Variants in ZNF638 observed in about 807,000 individuals in gnomAD.
ZNF638 encodes the protein CTCL tumor antigen se33-1.
A neutral mutation model predicts 195.6 loss-of-function variants in ZNF638; 46 were observed. That is an observed-to-expected ratio of 0.24 (90% CI 0.19 to 0.30). The LOEUF (loss-of-function observed/expected upper bound fraction) is 0.30. ZNF638 is among the 10% of genes least tolerant of loss of function. The pLI, the probability that ZNF638 is intolerant of heterozygous loss-of-function variation, is 1.00. For synonymous variants in ZNF638, 845 were observed against 772.0 expected, an observed-to-expected ratio of 1.09 and a Z score of -1.57; for missense variants, 2,440 against 2,325.3, an observed-to-expected ratio of 1.05 and a Z score of -1.01.
At chr2:71,393,604 C>G in intron 10 of ZNF638, 1 of 718,076 alleles carries the variant, frequency 1.4e-6, no homozygotes, top group Non-Finnish European at 2.6e-6. Context: ...GACACAGAAA[C>G]CATTCACTCC....
At chr2:71,431,526 G>A (rs1233795429) in intron 26 of ZNF638, 98 bp downstream of exon 26, 16 of 947,418 alleles carry the variant, frequency 1.7e-5, no homozygotes, top group South Asian at 5.6e-5. Context: ...TCGGGAGGCC[G>A]AGGCGGGTGG....
intron 13 of ZNF638, 63 bp from the exon 14 acceptor site, chr2:71,400,049 A>G: frequency 7.4e-7 from 1 of 1,343,236 alleles, no homozygotes; most frequent in Non-Finnish European, 1.0e-6. Flanking sequence ...GTTCCTGTTT[A>G]GATTCATTAG....
At chr2:71,333,434 G>A (rs1386856134) in intron 1 of ZNF638, among the ~76,000 whole-genome samples, 1 of 152,144 alleles carries the variant, frequency 6.6e-6, no homozygotes, top group Admixed American at 6.6e-5. Context: ...CATATTTATT[G>A]TATATTGGTT....
intron 1 of ZNF638, among the ~76,000 whole-genome samples, chr2:71,335,766 C>T (rs907099197): frequency 5.3e-5 from 8 of 152,130 alleles, no homozygotes; most frequent in Admixed American, 1.3e-4. Context: ...GCATATTACA[C>T]GTAAAACAAC....
chr2:71,398,784 G>C lies in ZNF638; in HGVS notation c.2500+12G>C, dbSNP rs1558868620. On this transcript the variant is annotated intron_variant, in intron 12 of 27. Transcript: ENST00000264447. ...TTCAATCAAAACAGGTAAGACTATT[G>C]GGGAGGAGAGATTTTATTGTTTATT... 6.3e-7 allele frequency: 1 copy of C among 1,592,792 alleles called. No individual in the cohort carries two copies. The highest frequency in any genetic ancestry group is 1.1e-5 in the South Asian group (1 of 88,926).
chr2:71,367,330 C>T (rs550706701), intron 6 of ZNF638, among the ~76,000 whole-genome samples: 1 of 151,626 alleles, frequency 6.6e-6, no homozygotes, highest in South Asian at 2.1e-4. Flanking sequence ...ACAGTCATAG[C>T]TCACTGCAGC....
In ZNF638 at chr2:71,403,825, A is replaced by C. The variant is rs374853221; in HGVS notation, c.2830-45A>C. 6.2e-5 allele frequency: 87 copies of C among 1,401,232 alleles called. No individual in the cohort carries two copies. The South Asian group carries it at 1.0e-3, about 17-fold the overall frequency. 86.8% of individuals were successfully genotyped at this position (1,401,232 alleles called of 1,614,324 possible). ...ACTTGCAAGTCTGTTTTTGAGAAAA[A>C]GTAACATAAGATTTTTCTTGTTACC... On this transcript the variant is annotated intron_variant, in intron 16 of 27. Coordinates refer to ENST00000264447, the MANE Select transcript of ZNF638 (RefSeq NM_014497.5).
At chr2:71,400,603 T>A in intron 15 of ZNF638, 85 bp downstream of exon 15, 1 of 1,168,340 alleles carries the variant, frequency 8.6e-7, no homozygotes, top group South Asian at 1.6e-5. Context: ...GGTAAAAAAT[T>A]CATGGTATTT....
rs142213288 is a variant in ZNF638 at position 71,388,019 on chromosome 2, T to C, written c.2377+7454T>C. On this transcript the variant is annotated intron_variant, in intron 10 of 27. Coordinates refer to ENST00000264447, the MANE Select transcript of ZNF638 (RefSeq NM_014497.5). ...ATGAAGACGGATACAACTACACTTATAATTAAAGAAAAAAAAATCCTACCA... is the reference window on the plus strand; with the variant it reads ...ATGAAGACGGATACAACTACACTTACAATTAAAGAAAAAAAAATCCTACCA... 2.1e-4 allele frequency among the ~76,000 whole-genome samples: 32 copies of C among 152,206 alleles called. No homozygotes were observed. In the East Asian group the frequency reaches 4.5e-3, roughly 21 times the overall value.
chr2:71,378,393 A>T (rs1284524276), intron 8 of ZNF638, among the ~76,000 whole-genome samples: 1 of 152,238 alleles, frequency 6.6e-6, no homozygotes, highest in East Asian at 1.9e-4. Context: ...ATAAAATCCC[A>T]TATAGTGCAA....
At position 71,361,616 on chromosome 2, in the gene ZNF638, G is replaced by A. The variant is rs184941953; in HGVS notation, c.1380-1537G>A. On this transcript the variant is annotated intron_variant, in intron 3 of 27. Transcript: ENST00000264447. ...TTGACACTAGATGATGGGTATGTTG[G>A]ATTAAAGTTAACTTTTTTGTCTTCA... is the stretch of plus-strand genomic sequence containing the variant. The A allele has an allele frequency of 1.4e-4, 22 of 152,280 alleles. No homozygotes were observed. In the East Asian group the frequency reaches 4.2e-3, roughly 29 times the overall value. The allele number at this position is 152,280 out of a possible 1,614,324, so 9.4% of individuals were successfully genotyped here.
chr2:71,338,912 C>T (rs2078716225), intron 1 of ZNF638, among the ~76,000 whole-genome samples: 1 of 152,106 alleles, frequency 6.6e-6, no homozygotes, highest in Non-Finnish European at 1.5e-5. Flanking sequence ...TAAGATGCTC[C>T]TTGAAATAAC....
chr2:71,398,643 T>G, intron 11 of ZNF638, 58 bp from the exon 12 acceptor site: 4 of 1,294,738 alleles, frequency 3.1e-6, no homozygotes, highest in Non-Finnish European at 2.2e-6. Context: ...TGAGGTTCTT[T>G]GGAGATTGTT....
intron 3 of ZNF638, among the ~76,000 whole-genome samples, chr2:71,358,872 C>G: frequency 6.6e-6 from 1 of 152,192 alleles, no homozygotes; most frequent in East Asian, 1.9e-4. Context: ...TGCATTATTA[C>G]TATACCTGTT....
chr2:71,408,780 G>C, intron 20 of ZNF638: 1 of 434,360 alleles, frequency 2.3e-6, no homozygotes, highest in Non-Finnish European at 4.6e-6. Flanking sequence ...GATATCAGAG[G>C]TAAGTAATAG....
intron 2 of ZNF638, among the ~76,000 whole-genome samples, chr2:71,352,474 T>A (rs2078957075): frequency 8.5e-6 from 1 of 117,486 alleles, no homozygotes; most frequent in Non-Finnish European, 1.7e-5. Flanking sequence ...CGAGACTCCA[T>A]CTCAAAAAAA....
chr2:71,368,480 A>G lies in ZNF638; in HGVS notation c.2094A>G (p.Gln698=), dbSNP rs1246604198. Residue 698 remains glutamine, a synonymous_variant, in exon 7 of 28, where the codon CAA becomes CAG. Coordinates refer to ENST00000264447, the MANE Select transcript of ZNF638 (RefSeq NM_014497.5). ...CTEEDVRKLF[Q]PFGKVNDVLI... ...AAGAAGATGTGAGAAAATTATTTCAACCATTTGGGAAAGTGAATGATGTCC... is the reference window on the plus strand; with the variant it reads ...AAGAAGATGTGAGAAAATTATTTCAGCCATTTGGGAAAGTGAATGATGTCC... The G allele has an allele frequency of 4.3e-6, 7 of 1,613,574 alleles. No individual in the cohort carries two copies. Among genetic ancestry groups the G allele is most frequent in the East Asian group, 2.2e-5 (1 of 44,736 alleles).
At position 71,349,084 on chromosome 2, in the gene ZNF638, C is replaced by G. The variant is rs764789883; in HGVS notation, c.130C>G (p.Pro44Ala). ...ATCTATGGGTCTCCCAAGATTTTAC[C>G]CAGCAGGGAGAGCACGTGGAATTCC... ...PGSMGLPRFY[P>A]AGRARGIPHR... The change falls in exon 2 of 28, where the codon CCA becomes GCA. Residue 44 changes from proline (P) to alanine (A), a missense_variant. Pro to Ala is a conservative substitution (Grantham distance 27, BLOSUM62 -1). Coordinates refer to ENST00000264447, the MANE Select transcript of ZNF638 (RefSeq NM_014497.5). 6.2e-7 allele frequency: 1 copy of G among 1,614,060 alleles called. No homozygotes were observed. The highest frequency in any genetic ancestry group is 8.5e-7 in the Non-Finnish European group (1 of 1,180,050).
intron 10 of ZNF638, among the ~76,000 whole-genome samples, chr2:71,383,380 C>T (rs911800942): frequency 3.3e-5 from 5 of 152,088 alleles, no homozygotes; most frequent in African/African-American, 1.2e-4. Flanking sequence ...GAGTCAGGGC[C>T]ACATGGAGGA....
Sources: allele counts gnomAD v4.1 joint callset (sites outside exome capture counted in the v4.1 genomes callset), GRCh38; gene constraint gnomAD v4.1.1; transcripts MANE v1.5; gene names NCBI Gene and HGNC (gene_info 2026-07-23, HGNC 2026-07-21).